Variants in ZNF19 observed in about 807,000 individuals in gnomAD.
The protein encoded by ZNF19 is zinc finger protein 19 (KOX 12).
A neutral mutation model predicts 13.1 loss-of-function variants in ZNF19; 11 were observed. The ratio of observed to expected loss-of-function variants is 0.84; its 90% CI spans 0.53 to 1.39. The LOEUF is 1.39. Among genes scored for constraint, ZNF19 ranks in the 40% most tolerant of loss-of-function variants. The pLI, the probability that ZNF19 is intolerant of heterozygous loss-of-function variation, is 0.00. For missense variants in ZNF19, 560 were observed against 547.0 expected, an observed-to-expected ratio of 1.02 and a Z score of -0.24; for synonymous variants, 186 against 187.0, an observed-to-expected ratio of 0.99 and a Z score of 0.04.
At position 71,475,996 on chromosome 16, in the gene ZNF19, G is replaced by C. The variant is rs368490940; in HGVS notation, c.551C>G (p.Thr184Ser). Residue 184 changes from threonine to serine, a missense_variant, in exon 6 of 6, where the codon ACT becomes AGT. Transcript: ENST00000288177. ...ACTACACTCAAAAGGTTTCTCCCCA[G>C]TGTGGATTCTCTGGTGTCTAGCATA... ...SYYARHQRIH[T>S]GEKPFECSEC... The C allele has an allele frequency of 6.2e-7, 1 of 1,614,068 alleles. No homozygotes were observed. Among genetic ancestry groups the C allele is most frequent in the East Asian group, 2.2e-5 (1 of 44,890 alleles).
At chr16:71,483,533 G>T (rs1203470865) in intron 2 of ZNF19, among the ~76,000 whole-genome samples, 1 of 152,098 alleles carries the variant, frequency 6.6e-6, no homozygotes, top group Non-Finnish European at 1.5e-5. Flanking sequence ...TTACAACTGA[G>T]ATTCTCTGCC....
rs2043683731 is a variant in ZNF19 at position 71,487,093 on chromosome 16, C to T, written c.-190+2179G>A. ...ATTCACACTGACCTGTCTTCCCAGCCAATGTATCACCTCTAAGGAAATGTA... is the reference window on the plus strand; with the variant it reads ...ATTCACACTGACCTGTCTTCCCAGCTAATGTATCACCTCTAAGGAAATGTA... On this transcript the variant is annotated intron_variant, in intron 1 of 5. Transcript: ENST00000288177. 2.0e-5 allele frequency: 3 copies of T among 152,142 alleles called. No individual in the cohort carries two copies. The South Asian group carries it at 6.2e-4, about 32-fold the overall frequency. 9.4% of individuals were successfully genotyped at this position (152,142 alleles called of 1,614,324 possible). A position where few individuals can be genotyped will look rare whatever the true frequency, so the allele number is the denominator to read the frequency against.
rs2043586409 is a variant in ZNF19, at chr16:71,474,522, C to T, written c.*648G>A. 6.6e-6 allele frequency: 1 copy of T among 152,260 alleles called. No homozygotes were observed. Among genetic ancestry groups the T allele is most frequent in the African/African-American group, 2.4e-5 (1 of 41,440 alleles). 9.4% of individuals were successfully genotyped at this position (152,260 alleles called of 1,614,324 possible). On this transcript the variant is annotated 3_prime_UTR_variant, in exon 6 of 6. Transcript: ENST00000288177. ...TAGAACTTCTATCTACTAGTGGTGTCTGATATAACCTGGGCTCTCCAGTGT... is the reference window on the plus strand; with the variant it reads ...TAGAACTTCTATCTACTAGTGGTGTTTGATATAACCTGGGCTCTCCAGTGT...
Position 71,476,228 on chromosome 16 carries a change from T to C in ZNF19, c.319A>G (p.Ile107Val). ...ATCATCCCATCTCTTTCTTCAGAAATTCCCTGGATTAATGTGGACTCACTG... is the reference window on the plus strand; with the variant it reads ...ATCATCCCATCTCTTTCTTCAGAAACTCCCTGGATTAATGTGGACTCACTG... ...IDSESTLIQG[I>V]SEERDGMMSH... Residue 107 changes from isoleucine (I) to valine (V), a missense_variant, in exon 6 of 6, where the codon ATT (isoleucine) becomes GTT (valine). Coordinates refer to ENST00000288177, the MANE Select transcript of ZNF19 (RefSeq NM_006961.4). 6.2e-7 allele frequency: 1 copy of C among 1,613,994 alleles called. No individual in the cohort carries two copies. Among genetic ancestry groups the C allele is most frequent in the Non-Finnish European group, 8.5e-7 (1 of 1,179,962 alleles).
chr16:71,484,462 C>T, intron 2 of ZNF19, 127 bp downstream of exon 2: 2 of 960,252 alleles, frequency 2.1e-6, no homozygotes, highest in Non-Finnish European at 2.5e-6. Flanking sequence ...AGCCTCCGCT[C>T]CCCGGTCCCG....
chr16:71,477,969 T>C (rs564534512), intron 5 of ZNF19: 7 of 403,092 alleles, frequency 1.7e-5, no homozygotes, highest in Non-Finnish European at 2.7e-5. Context: ...TGCTCCTGAA[T>C]AAATCCATCC....
chr16:71,487,361 C>T (rs8043679), intron 1 of ZNF19: 2,830 of 155,024 alleles, frequency 0.018, 83 homozygotes, highest in African/African-American at 0.064. Context: ...TTGCTTTCCA[C>T]CATGATTGTA....
intron 3 of ZNF19, among the ~76,000 whole-genome samples, chr16:71,481,173 T>C (rs1265632629): frequency 2.0e-5 from 3 of 152,190 alleles, no homozygotes; most frequent in Non-Finnish European, 4.4e-5. Context: ...GACTGCAATA[T>C]AGTGTGATGT....
chr16:71,478,237 C>A lies in ZNF19; in HGVS notation c.265G>T (p.Val89Phe), dbSNP rs373776284. 1.9e-5 allele frequency: 30 copies of A among 1,613,282 alleles called. No individual in the cohort carries two copies. Among genetic ancestry groups the A allele is most frequent in the Non-Finnish European group, 2.5e-5 (29 of 1,179,530 alleles). ...DDPPAERTKN[V>F]CKDVETNIDS... ...AATCTGCCTCACCTACCTTTACAGA[C>A]GTTTTTGGTCCTCTCTGCTGGGGGA... The change falls in exon 5 of 6, where the codon GTC becomes TTC. Residue 89 changes from valine to phenylalanine, a missense_variant. Transcript: ENST00000288177.
At chr16:71,481,974 G>T in intron 3 of ZNF19, 108 bp downstream of exon 3, 1 of 1,189,320 alleles carries the variant, frequency 8.4e-7, no homozygotes, top group South Asian at 1.3e-5. Context: ...GAATCAGCAG[G>T]GGTTTTCCTA....
rs1294371744 is a variant in ZNF19, at chr16:71,482,149, G to A, written c.-29-6C>T. The A allele has an allele frequency of 3.1e-6, 5 of 1,613,466 alleles. No individual in the cohort carries two copies. The Admixed American group carries it at 5.0e-5, about 16-fold the overall frequency. On this transcript the variant is annotated splice_region_variant and splice_polypyrimidine_tract_variant and intron_variant, in intron 2 of 5. Coordinates refer to ENST00000288177, the MANE Select transcript of ZNF19 (RefSeq NM_006961.4). ...TCCCTCTTAGCAGGCAAAGGCTGAG[G>A]GAAGAAACAGAGAGAACCAACAGTG...
chr16:71,481,329 T>C (rs1364680463), intron 3 of ZNF19, among the ~76,000 whole-genome samples: 2 of 152,152 alleles, frequency 1.3e-5, no homozygotes, highest in African/African-American at 2.4e-5. Context: ...AGTTACTGGA[T>C]AAATAAGTGC....
At chr16:71,478,788 TCTCCA>T in intron 4 of ZNF19, 86 bp downstream of exon 4, 2 of 1,520,306 alleles carry the variant, frequency 1.3e-6, no homozygotes, top group Non-Finnish European at 1.8e-6. Flanking sequence ...CAACCTCTCC[TCTCCA>T]CTCCACACTC....
Position 71,475,172 on chromosome 16 carries a change from A to G in ZNF19, c.1375T>C (p.Ter459GlnextTer1). The G allele has an allele frequency of 1.3e-6, 2 of 1,582,556 alleles. No homozygotes were observed. The highest frequency in any genetic ancestry group is 1.8e-5 in the Admixed American group (1 of 54,690). Residue 459 changes from the stop codon to glutamine (Q), a stop_lost, in exon 6 of 6, where the codon TAA becomes CAA. Coordinates refer to ENST00000288177, the MANE Select transcript of ZNF19 (RefSeq NM_006961.4). ...GTACATTTCACTGGAGTGTACTATT[A>G]CCAGTAAAAGGGGGTAAAAAATTCT... Reference protein sequence around the residue: ...LPEFFTPFYW* With the variant: ...LPEFFTPFYWQ
In ZNF19 at chr16:71,478,293, T is replaced by C. The variant is rs763862791; in HGVS notation, c.209A>G (p.Asp70Gly). ...CTGTGCTTCCAGGCCCCAAGCCATG[T>C]CCCCTCTCTCCAAAAGTGAGATCAG... ...PALISLLERG[D>G]MAWGLEAQDD... is the part of the protein sequence containing the mutation. Residue 70 changes from aspartate (D) to glycine (G), a missense_variant, in exon 5 of 6, where the codon GAC becomes GGC. Physicochemically the swap from Asp to Gly is moderately conservative, Grantham distance 94. Coordinates refer to ENST00000288177, the MANE Select transcript of ZNF19 (RefSeq NM_006961.4). The C allele has an allele frequency of 3.7e-6, 6 of 1,614,070 alleles. No homozygotes were observed. Among genetic ancestry groups the C allele is most frequent in the Middle Eastern group, 1.6e-4 (1 of 6,062 alleles).
At position 71,475,915 on chromosome 16, in the gene ZNF19, T is replaced by A. The variant is rs1002351725; in HGVS notation, c.632A>T (p.His211Leu). ...ACACTGATAGGGTCTCTCTCCAGTG[T>A]GAATCCTCTGGTGCCGAATTAACGA... ...NSSLIRHQRI[H>L]TGERPYQCEE... is the part of the protein sequence containing the mutation. Residue 211 changes from histidine (H) to leucine (L), a missense_variant, in exon 6 of 6, where the codon CAC becomes CTC. Physicochemically the swap from His to Leu is moderately conservative, Grantham distance 99 (BLOSUM62 -3). Transcript: ENST00000288177. 2 of 1,613,522 alleles carry A rather than the reference T, an allele frequency of 1.2e-6. No individual in the cohort carries two copies. Among genetic ancestry groups the A allele is most frequent in the African/African-American group, 2.7e-5 (2 of 74,850 alleles).
In ZNF19 at chr16:71,482,068, G is replaced by C. The variant is rs371714131; in HGVS notation, c.33+14C>G. The C allele has an allele frequency of 5.6e-4, 903 of 1,613,834 alleles. 1 individual carries two copies. The highest frequency in any genetic ancestry group is 7.1e-4 in the Non-Finnish European group (840 of 1,179,914). On this transcript the variant is annotated intron_variant, in intron 3 of 5. Coordinates refer to ENST00000288177, the MANE Select transcript of ZNF19 (RefSeq NM_006961.4). The stretch of plus-strand genomic sequence containing the variant: ...AGACCTCCATAGAGCTGACCTCAGG[G>C]ATCCACAGCTCACCTGGTATTGAGC...
chr16:71,478,769 C>T (rs1237629544), intron 4 of ZNF19, 110 bp downstream of exon 4: 2 of 1,438,056 alleles, frequency 1.4e-6, no homozygotes, highest in African/African-American at 1.4e-5. Flanking sequence ...CAGTGGAGGA[C>T]ACAAGAGACA....
At chr16:71,478,474 G>A (rs768443569) in intron 4 of ZNF19, 133 bp from the exon 5 acceptor site, 78 of 736,550 alleles carry the variant, frequency 1.1e-4, no homozygotes, top group Admixed American at 3.2e-4. Flanking sequence ...AAGAGATTCC[G>A]ATCAACAGGA....
Sources: allele counts gnomAD v4.1 joint callset (sites outside exome capture counted in the v4.1 genomes callset), GRCh38; gene constraint gnomAD v4.1.1; transcripts MANE v1.5; gene names NCBI Gene and HGNC (gene_info 2026-07-23, HGNC 2026-07-21).